Variants in ULK4 observed in about 807,000 individuals in gnomAD.
The protein encoded by ULK4 is inactive serine/threonine-protein kinase ULK4.
Under a neutral mutation model 160.6 loss-of-function variants are expected in ULK4, and 133 were observed. The ratio of observed to expected loss-of-function variants is 0.83; its 90% CI spans 0.72 to 0.96. The LOEUF is 0.96. ULK4 is among the 40% of genes least tolerant of loss of function. The pLI, the probability that ULK4 is intolerant of heterozygous loss-of-function variation, is 0.00. For synonymous variants in ULK4, 534 were observed against 539.8 expected (o/e 0.99, Z 0.15); for missense variants, 1,580 against 1,499.5 (o/e 1.05, Z -0.89).
chr3:41,458,309 C>T (rs1269606558), intron 33 of ULK4, among the ~76,000 whole-genome samples: 2 of 152,176 alleles, frequency 1.3e-5, no homozygotes, highest in Non-Finnish European at 1.5e-5. Flanking sequence ...AGGATGGGGA[C>T]TGAATCATAT....
chr3:41,395,718 A>C (rs2082045447), intron 35 of ULK4, among the ~76,000 whole-genome samples: 1 of 152,178 alleles, frequency 6.6e-6, no homozygotes, highest in Non-Finnish European at 1.5e-5. Context: ...GTTGCACAAC[A>C]ATGTGAATAT....
At chr3:41,612,478 T>A (rs942072154) in intron 31 of ULK4, among the ~76,000 whole-genome samples, 5 of 152,204 alleles carry the variant, frequency 3.3e-5, no homozygotes, top group Non-Finnish European at 5.9e-5. Context: ...CCCTGCAACG[T>A]GAACTTAGAG....
At chr3:41,665,431 T>C (rs1195241097) in intron 29 of ULK4, among the ~76,000 whole-genome samples, 2 of 152,144 alleles carry the variant, frequency 1.3e-5, no homozygotes, top group Non-Finnish European at 2.9e-5. Flanking sequence ...CATACTCAAA[T>C]GGGACCTGAG....
chr3:41,521,547 C>G (rs998590286), intron 32 of ULK4, among the ~76,000 whole-genome samples: 3 of 152,216 alleles, frequency 2.0e-5, no homozygotes, highest in East Asian at 3.9e-4. Context: ...TTTTTCAGTA[C>G]TCTGCATAAG....
chr3:41,282,101 C>G (rs970491475), intron 35 of ULK4, among the ~76,000 whole-genome samples: 20 of 152,030 alleles, frequency 1.3e-4, no homozygotes, highest in African/African-American at 3.1e-4. Context: ...CAAAGGATGT[C>G]AAGGACCTCT....
chr3:41,832,248 C>T (rs151238261), intron 18 of ULK4, among the ~76,000 whole-genome samples: 18,601 of 152,092 alleles, frequency 0.12, 1,331 homozygotes, highest in Middle Eastern at 0.27. Flanking sequence ...TGGTGTGAGA[C>T]GGTATCTCAT....
At chr3:41,398,004 AG>A in intron 35 of ULK4, 74 bp downstream of exon 35, 2 of 1,487,260 alleles carry the variant, frequency 1.3e-6, no homozygotes, top group Non-Finnish European at 1.8e-6. Context: ...ATTAGGTCCA[AG>A]AAATGGCTAC....
intron 17 of ULK4, among the ~76,000 whole-genome samples, chr3:41,852,556 C>T (rs1017757753): frequency 2.0e-5 from 3 of 151,574 alleles, no homozygotes; most frequent in African/African-American, 2.4e-5. Context: ...ATTTGCAAGA[C>T]GTTAAGAAAA....
chr3:41,650,792 T>G, intron 30 of ULK4, among the ~76,000 whole-genome samples: 1 of 152,204 alleles, frequency 6.6e-6, no homozygotes, highest in East Asian at 1.9e-4. Context: ...CTAAGGATCC[T>G]GTGACAGCTA....
chr3:41,569,230 G>A (rs1269471082), intron 31 of ULK4, among the ~76,000 whole-genome samples: 2 of 152,096 alleles, frequency 1.3e-5, no homozygotes, highest in African/African-American at 4.8e-5. Context: ...TATATCACTG[G>A]CCATGAGTGA....
chr3:41,846,919 G>GT (rs1313277779), intron 17 of ULK4, among the ~76,000 whole-genome samples: 4 of 152,108 alleles, frequency 2.6e-5, no homozygotes, highest in Non-Finnish European at 5.9e-5. Context: ...AGGAAAATGG[G>GT]TTTTTTGGTG....
rs894095024 is a variant in ULK4, at chr3:41,283,478, T to C, written c.3679-33904A>G. Among the ~76,000 whole-genome samples the C allele has an allele frequency of 5.3e-5, 8 of 152,266 alleles. No homozygotes were observed. In the South Asian group the frequency reaches 1.7e-3, roughly 32 times the overall value. On this transcript the variant is annotated intron_variant, in intron 35 of 36. Coordinates refer to ENST00000301831, the MANE Select transcript of ULK4 (RefSeq NM_017886.4). ...AATACTATGCAGCCATAAAAAAGGA[T>C]AGGTTCATGTCCTTTGCAGGGACAT...
intron 35 of ULK4, among the ~76,000 whole-genome samples, chr3:41,375,004 G>A (rs1013132203): frequency 2.0e-5 from 3 of 151,868 alleles, no homozygotes; most frequent in African/African-American, 7.3e-5. Context: ...CAGACAGAGA[G>A]CCAAATCATG....
intron 17 of ULK4, among the ~76,000 whole-genome samples, chr3:41,860,888 G>GT (rs1281231077): frequency 2.6e-5 from 4 of 151,724 alleles, no homozygotes; most frequent in Admixed American, 6.6e-5. Context: ...TCCACTATGT[G>GT]TTTTTTTGTT....
intron 32 of ULK4, among the ~76,000 whole-genome samples, chr3:41,547,444 G>A (rs1406439221): frequency 6.6e-6 from 1 of 152,124 alleles, no homozygotes; most frequent in African/African-American, 2.4e-5. Flanking sequence ...TTGGAGCCCA[G>A]AGAGGCTCTC....
intron 31 of ULK4, among the ~76,000 whole-genome samples, chr3:41,582,430 C>T (rs530213814): frequency 1.6e-4 from 24 of 152,214 alleles, no homozygotes; most frequent in African/African-American, 5.3e-4. Context: ...GGATTAAAAA[C>T]AAACTAGAAA....
chr3:41,416,809 G>A (rs1051297195), intron 34 of ULK4, among the ~76,000 whole-genome samples: 1 of 152,192 alleles, frequency 6.6e-6, no homozygotes, highest in Non-Finnish European at 1.5e-5. Context: ...GGAGGAAAAG[G>A]AGGGAGAAAG....
intron 35 of ULK4, among the ~76,000 whole-genome samples, chr3:41,297,366 C>G (rs1448788012): frequency 6.6e-6 from 1 of 152,240 alleles, no homozygotes; most frequent in Non-Finnish European, 1.5e-5. Context: ...CCTCAGCCTT[C>G]TGAGTTTGAG....
At chr3:41,345,208 C>T (rs1179883955) in intron 35 of ULK4, among the ~76,000 whole-genome samples, 2 of 152,176 alleles carry the variant, frequency 1.3e-5, no homozygotes, top group African/African-American at 4.8e-5. Context: ...TTGTGGATGA[C>T]AGCGTGGCAA....
Sources: gnomAD v4.1 joint callset for allele counts (sites outside exome capture counted in the v4.1 genomes callset) on GRCh38, gnomAD v4.1.1 for gene constraint, MANE v1.5 for transcripts, NCBI Gene and HGNC (gene_info 2026-07-23, HGNC 2026-07-21) for gene names.